FGF13: variants seen among roughly 807,000 people sequenced by gnomAD.
FGF13 encodes fibroblast growth factor homologous factor 2.
A neutral mutation model predicts 19.5 loss-of-function variants in FGF13; 2 were observed. The ratio of observed to expected loss-of-function variants is 0.10; its 90% CI spans 0.04 to 0.32. FGF13 has a LOEUF of 0.32. Among genes scored for constraint, FGF13 ranks in the 10% least tolerant of loss-of-function variants. The pLI, the probability that FGF13 is intolerant of heterozygous loss-of-function variation, is 1.00. For synonymous variants in FGF13, 72 were observed against 76.9 expected, an observed-to-expected ratio of 0.94 and a Z score of 0.33; for missense variants, 113 against 192.7, an observed-to-expected ratio of 0.59 and a Z score of 2.45.
chrX:138,663,085 T>A (rs1181105942), intron 3 of FGF13, among the ~76,000 whole-genome samples: 1 of 111,818 alleles, frequency 8.9e-6, no homozygotes, highest in Non-Finnish European at 1.9e-5. Flanking sequence ...ATTAGTGAAG[T>A]TGTGGAATCA....
intron 1 of FGF13, among the ~76,000 whole-genome samples, chrX:139,050,208 T>A (rs1230346284): frequency 1.8e-5 from 2 of 111,655 alleles, no homozygotes; most frequent in African/African-American, 3.3e-5. Context: ...AGGTATAGGA[T>A]CCATGTCCTT....
At chrX:138,797,574 GT>G (rs869032200) in intron 3 of FGF13, among the ~76,000 whole-genome samples, 12 of 107,789 alleles carry the variant, frequency 1.1e-4, no homozygotes, top group Middle Eastern at 4.9e-3. Flanking sequence ...ACTAAAGGTA[GT>G]TTTTTTTTTC....
chrX:138,722,501 C>T (rs2090154468), intron 1 of FGF13, among the ~76,000 whole-genome samples: 1 of 110,713 alleles, frequency 9.0e-6, no homozygotes, highest in Non-Finnish European at 1.9e-5. Context: ...ATTTTCAGAG[C>T]TACATATATG....
At chrX:139,029,309 A>C in intron 1 of FGF13, among the ~76,000 whole-genome samples, 1 of 111,621 alleles carries the variant, frequency 9.0e-6, no homozygotes, top group African/African-American at 3.3e-5. Flanking sequence ...GGGTGAGAAA[A>C]CCGTCCTTAT....
chrX:138,874,016 AG>A (rs1569415699), intron 1 of FGF13, among the ~76,000 whole-genome samples: 1 of 1,434 alleles, frequency 7.0e-4, no homozygotes, highest in Non-Finnish European at 1.4e-3. Flanking sequence ...GGTGGGGGGG[AG>A]GGGGGAGGGG....
At chrX:139,144,994 A>C (rs926100084) in intron 1 of FGF13, among the ~76,000 whole-genome samples, 2 of 112,340 alleles carry the variant, frequency 1.8e-5, no homozygotes, top group African/African-American at 6.5e-5. Context: ...AAATAACTAA[A>C]GTTTTATGAA....
chrX:138,871,759 A>C (rs1333209390), intron 1 of FGF13, among the ~76,000 whole-genome samples: 1 of 111,272 alleles, frequency 9.0e-6, no homozygotes, highest in Admixed American at 9.6e-5. Flanking sequence ...AGGAGTGTGA[A>C]TTGCTGTTTT....
chrX:139,114,357 G>A (rs1477896834), intron 1 of FGF13, among the ~76,000 whole-genome samples: 2 of 112,158 alleles, frequency 1.8e-5, no homozygotes, highest in Non-Finnish European at 3.8e-5. Context: ...AACGCTAGGT[G>A]TGTAAACTAG....
intron 1 of FGF13, among the ~76,000 whole-genome samples, chrX:138,918,667 G>T (rs1156713706): frequency 9.0e-6 from 1 of 111,580 alleles, no homozygotes; most frequent in African/African-American, 3.3e-5. Flanking sequence ...TTGGTTGGGG[G>T]ACACAGGTGA....
chrX:138,633,055 A>G, intron 4 of FGF13, 69 bp from the exon 5 acceptor site: 1 of 1,116,994 alleles, frequency 9.0e-7, no homozygotes, highest in Non-Finnish European at 1.2e-6. Context: ...ATTTCTAAGA[A>G]TAGTTTGTAG....
chrX:139,170,189 T>C (rs1440648750), intron 1 of FGF13, among the ~76,000 whole-genome samples: 1 of 111,766 alleles, frequency 8.9e-6, no homozygotes, highest in Non-Finnish European at 1.9e-5. Flanking sequence ...ACCCTCTGTC[T>C]TGCCCAGACT....
chrX:138,694,546 G>A (rs1449030042), intron 3 of FGF13, among the ~76,000 whole-genome samples: 6 of 106,119 alleles, frequency 5.7e-5, no homozygotes, highest in African/African-American at 1.7e-4. Context: ...CGCCTCCTGG[G>A]TTCATGCCAT....
At chrX:139,018,323 A>G (rs1313706866) in intron 1 of FGF13, among the ~76,000 whole-genome samples, 1 of 111,810 alleles carries the variant, frequency 8.9e-6, no homozygotes, top group Non-Finnish European at 1.9e-5. Flanking sequence ...AAATGTCTCA[A>G]GTAATTCAGC....
intron 3 of FGF13, among the ~76,000 whole-genome samples, chrX:138,770,321 GC>G (rs1188785405): frequency 9.0e-6 from 1 of 110,642 alleles, no homozygotes; most frequent in Admixed American, 9.7e-5. Context: ...CACACCCTCA[GC>G]CCCCCACTTT....
chrX:138,880,158 G>A (rs184527696), intron 1 of FGF13, among the ~76,000 whole-genome samples: 90 of 112,050 alleles, frequency 8.0e-4, no homozygotes, highest in African/African-American at 2.7e-3. Context: ...TTAGAATGGC[G>A]ATTGTTAAAA....
chrX:138,930,143 C>A (rs2091694946), intron 1 of FGF13, among the ~76,000 whole-genome samples: 1 of 111,121 alleles, frequency 9.0e-6, no homozygotes, highest in Non-Finnish European at 1.9e-5. Flanking sequence ...CAGCAAGTGG[C>A]CTGAAAGAGT....
At chrX:138,647,139 T>A (rs1383191122) in intron 3 of FGF13, among the ~76,000 whole-genome samples, 1 of 107,346 alleles carries the variant, frequency 9.3e-6, no homozygotes, top group African/African-American at 3.4e-5. Flanking sequence ...AAAGTTAGTG[T>A]CTATAGAGGA....
chrX:138,648,360 T>C (rs1269419866), intron 3 of FGF13, among the ~76,000 whole-genome samples: 1 of 111,674 alleles, frequency 9.0e-6, no homozygotes, highest in African/African-American at 3.3e-5. Context: ...CTAAACTCCC[T>C]GGCCGGGCGT....
intron 3 of FGF13, among the ~76,000 whole-genome samples, chrX:138,645,835 T>C (rs1488909405): frequency 8.9e-6 from 1 of 111,921 alleles, no homozygotes; most frequent in East Asian, 2.8e-4. Flanking sequence ...GCCTTTGATT[T>C]AGCGCTTAAA....
Sources: gnomAD v4.1 joint callset for allele counts (sites outside exome capture counted in the v4.1 genomes callset) on GRCh38, gnomAD v4.1.1 for gene constraint, MANE v1.5 for transcripts, NCBI Gene and HGNC (gene_info 2026-07-23, HGNC 2026-07-21) for gene names.